Variants in BICRAL observed in about 807,000 individuals in gnomAD.
The protein encoded by BICRAL is BRD4-interacting chromatin-remodeling complex-associated protein-like.
In BICRAL, 8 loss-of-function variants were observed where a neutral mutation model predicts 91.8. That is an observed-to-expected ratio of 0.09 (90% CI 0.05 to 0.16). The LOEUF (loss-of-function observed/expected upper bound fraction) is 0.16, where lower values mean the gene tolerates loss of function less well. Ranked by LOEUF, BICRAL falls within the 10% of genes least tolerant of loss-of-function variation. The pLI is 1.00. For synonymous variants in BICRAL, 445 were observed against 491.1 expected, an observed-to-expected ratio of 0.91 and a Z score of 1.24; for missense variants, 1,038 against 1,310.9, an observed-to-expected ratio of 0.79 and a Z score of 3.21.
At chr6:42,779,344 T>A (rs1344604481), upstream of BICRAL, among the ~76,000 whole-genome samples, 1 of 151,962 alleles carries the variant, frequency 6.6e-6, no homozygotes. Context: ...GCATAATATA[T>A]GGACTCTTGA....
At position 42,840,902 on chromosome 6, in the gene BICRAL, C is replaced by T. The variant is rs550276731; in HGVS notation, c.1839+10730C>T. 4.6e-5 allele frequency among the ~76,000 whole-genome samples: 7 copies of T among 151,052 alleles called. No homozygotes were observed. In the South Asian group the frequency reaches 1.0e-3, roughly 23 times the overall value. On this transcript the variant is annotated intron_variant, in intron 6 of 12. Coordinates refer to ENST00000314073, the MANE Select transcript of BICRAL (RefSeq NM_001393499.1). ...TAGCGTGGCTAACATGGTGAAACCT[C>T]GTCTCTACTAAAAATACAAAAATTA...
intron 6 of BICRAL, 116 bp downstream of exon 6, chr6:42,830,288 AGG>A: frequency 9.2e-7 from 1 of 1,084,116 alleles, no homozygotes; most frequent in Non-Finnish European, 1.3e-6. Context: ...ATTTTAGGCC[AGG>A]TGTAGTGGCT....
intron 1 of BICRAL, among the ~76,000 whole-genome samples, chr6:42,747,320 G>A (rs1762294474): frequency 6.6e-6 from 1 of 152,142 alleles, no homozygotes; most frequent in Non-Finnish European, 1.5e-5. Flanking sequence ...CTTTAACCCT[G>A]CCCGCCCTTC....
chr6:42,769,131 GT>G (rs1289605412), intron 1 of BICRAL, among the ~76,000 whole-genome samples: 3 of 152,230 alleles, frequency 2.0e-5, no homozygotes, highest in Non-Finnish European at 4.4e-5. Flanking sequence ...TTAGTTGAGT[GT>G]TTTTGTCTCA....
intron 8 of BICRAL, among the ~76,000 whole-genome samples, chr6:42,854,200 C>G (rs943333442): frequency 2.0e-5 from 3 of 152,072 alleles, no homozygotes; most frequent in Non-Finnish European, 4.4e-5. Flanking sequence ...TAAAGTCCAA[C>G]TTTTTGGTTT....
chr6:42,774,827 G>C (rs1387372996), intron 1 of BICRAL, among the ~76,000 whole-genome samples: 1 of 117,914 alleles, frequency 8.5e-6, no homozygotes, highest in Non-Finnish European at 1.7e-5. Flanking sequence ...CTCCACTCCC[G>C]TAGTTTTTTT....
At chr6:42,821,959 A>C in intron 2 of BICRAL, 59 bp from the exon 3 acceptor site, 1 of 1,018,890 alleles carries the variant, frequency 9.8e-7, no homozygotes. Context: ...TATTGCATTG[A>C]TACTACTGTC....
chr6:42,783,582 G>T (rs1170877103), intron 1 of BICRAL, among the ~76,000 whole-genome samples: 1 of 152,192 alleles, frequency 6.6e-6, no homozygotes, highest in Non-Finnish European at 1.5e-5. Flanking sequence ...GAGGCCCGGG[G>T]CTAGCGGGAG....
chr6:42,855,783 A>C, intron 8 of BICRAL, 73 bp from the exon 9 acceptor site: 1 of 1,169,006 alleles, frequency 8.6e-7, no homozygotes, highest in Non-Finnish European at 1.3e-6. Flanking sequence ...TATGTGAACT[A>C]TAGTGACCTT....
intron 8 of BICRAL, among the ~76,000 whole-genome samples, chr6:42,854,712 C>T (rs1017972354): frequency 2.0e-5 from 3 of 151,378 alleles, no homozygotes; most frequent in East Asian, 3.9e-4. Context: ...TAAGAGAAAA[C>T]GTTTTGCCAT....
chr6:42,855,261 G>A (rs1248328556), intron 8 of BICRAL, among the ~76,000 whole-genome samples: 1 of 152,068 alleles, frequency 6.6e-6, no homozygotes, highest in African/African-American at 2.4e-5. Flanking sequence ...ATAACGATGG[G>A]TCAGTGCTGT....
chr6:42,834,785 A>G (rs761424681), intron 6 of BICRAL, among the ~76,000 whole-genome samples: 1 of 151,988 alleles, frequency 6.6e-6, no homozygotes, highest in Non-Finnish European at 1.5e-5. Context: ...ACTTCCTTCA[A>G]TTTCTGGCAA....
chr6:42,853,702 A>C lies in BICRAL; in HGVS notation c.2010A>C (p.Lys670Asn). 6.2e-7 allele frequency: 1 copy of C among 1,613,976 alleles called. No individual in the cohort carries two copies. The highest frequency in any genetic ancestry group is 8.5e-7 in the Non-Finnish European group (1 of 1,179,798). Residue 670 changes from lysine (K) to asparagine (N), a missense_variant, in exon 8 of 13, where the codon AAA (lysine) becomes AAC (asparagine). By Grantham distance (94) the Lys-to-Asn change is moderately conservative. Transcript: ENST00000314073. ...GAACCGCACAACCACAGCAGGAAAA[A>C]GTAGTTGGATCATCTCCTGGCCATC... ...SLGTAQPQQEKVVGSSPGHPA... is the reference protein window; with the variant it reads ...SLGTAQPQQENVVGSSPGHPA...
intron 1 of BICRAL, among the ~76,000 whole-genome samples, chr6:42,808,417 A>G (rs1763771257): frequency 6.6e-6 from 1 of 152,216 alleles, no homozygotes; most frequent in Admixed American, 6.6e-5. Context: ...GGCAAGAGCC[A>G]CTGTGCCCAG....
intron 2 of BICRAL, among the ~76,000 whole-genome samples, chr6:42,818,142 C>T (rs1028743191): frequency 1.2e-4 from 19 of 152,200 alleles, no homozygotes; most frequent in African/African-American, 4.6e-4. Context: ...GTTCCTATTT[C>T]CCCACTCCCT....
intron 1 of BICRAL, among the ~76,000 whole-genome samples, chr6:42,783,356 A>C (rs1484216721): frequency 6.6e-6 from 1 of 152,012 alleles, no homozygotes; most frequent in African/African-American, 2.4e-5. Flanking sequence ...GGGACGGCGC[A>C]TTTTTGGCCG....
chr6:42,766,907 G>A (rs979390040), intron 1 of BICRAL, among the ~76,000 whole-genome samples: 5 of 152,164 alleles, frequency 3.3e-5, no homozygotes, highest in African/African-American at 9.7e-5. Context: ...GGGCGTGGTG[G>A]CAGGCGTCTG....
intron 1 of BICRAL, among the ~76,000 whole-genome samples, chr6:42,776,359 T>A (rs1188935069): frequency 1.3e-5 from 2 of 150,892 alleles, no homozygotes; most frequent in Admixed American, 6.6e-5. Flanking sequence ...ATTATTTTTT[T>A]ATTTTTGAGA....
At chr6:42,836,723 G>A (rs1764647953) in intron 6 of BICRAL, among the ~76,000 whole-genome samples, 1 of 147,892 alleles carries the variant, frequency 6.8e-6, no homozygotes, top group Non-Finnish European at 1.5e-5. Context: ...CTGGGTTCAA[G>A]CAATTATCTT....
Sources: gnomAD v4.1 joint callset for allele counts (sites outside exome capture counted in the v4.1 genomes callset) on GRCh38, gnomAD v4.1.1 for gene constraint, MANE v1.5 for transcripts, NCBI Gene and HGNC (gene_info 2026-07-23, HGNC 2026-07-21) for gene names.